ZSWIM9: variants seen among roughly 807,000 people sequenced by gnomAD.
ZSWIM9 encodes the protein uncharacterized protein ZSWIM9.
In ZSWIM9, 11 loss-of-function variants were observed where a neutral mutation model predicts 25.0. That is an observed-to-expected ratio of 0.44 (90% CI 0.28 to 0.73). ZSWIM9 has a LOEUF of 0.73. Ranked by LOEUF, ZSWIM9 falls within the 30% of genes least tolerant of loss-of-function variation. The pLI is 0.16. For synonymous variants in ZSWIM9, 562 were observed against 582.1 expected, an observed-to-expected ratio of 0.97 and a Z score of 0.50; for missense variants, 1,070 against 1,296.5, an observed-to-expected ratio of 0.83 and a Z score of 2.68.
Position 48,196,270 on chromosome 19 carries a change from G to A in ZSWIM9, c.2206G>A (p.Ala736Thr). 6.5e-6 allele frequency: 8 copies of A among 1,233,502 alleles called. No homozygotes were observed. The highest frequency in any genetic ancestry group is 8.1e-6 in the Non-Finnish European group (8 of 989,016). The allele number at this position is 1,233,502 out of a possible 1,614,324, so 76.4% of individuals were successfully genotyped here. A position where few individuals can be genotyped will look rare whatever the true frequency, so the allele number is the denominator to read the frequency against. ...CATGGAGAATGGAGATGGAGGGGGA[G>A]CCCGGTCCGTGGGCCCCAAGAGCCG... ...TGMENGDGGG[A>T]RSVGPKSRAG... Residue 736 changes from alanine (A) to threonine (T), a missense_variant, in exon 4 of 4, where the codon GCC (alanine) becomes ACC (threonine). By Grantham distance (58) the Ala-to-Thr change is moderately conservative. This residue lies in a region of ZSWIM9 where 583 missense variants were observed against 624.7 expected (regional missense o/e 0.93). Transcript: ENST00000614654.
chr19:48,172,319 C>CTTTT (rs750603853), intron 2 of ZSWIM9, among the ~76,000 whole-genome samples: 4 of 143,072 alleles, frequency 2.8e-5, no homozygotes, highest in Non-Finnish European at 6.2e-5. Flanking sequence ...GACTTACAGA[C>CTTTT]TTTTTTTTTT....
rs772914578 is a variant in ZSWIM9, at chr19:48,195,497, G to A, written c.1433G>A (p.Gly478Glu). The change falls in exon 4 of 4, where the codon GGA becomes GAA. Residue 478 changes from glycine (G) to glutamate (E), a missense_variant. Coordinates refer to ENST00000614654, the MANE Select transcript of ZSWIM9 (RefSeq NM_199341.4). The surrounding 1 kb of genome is among the most constrained non-coding windows in gnomAD (Gnocchi z 5.8). ...RVRGLETGDW[G>E]GAPKEGSIWR... ...AGGGGCCTGGAGACAGGCGACTGGG[G>A]AGGGGCTCCGAAAGAAGGAAGTATT... 1.4e-6 allele frequency: 2 copies of A among 1,414,174 alleles called. No homozygotes were observed. Among genetic ancestry groups the A allele is most frequent in the African/African-American group, 3.0e-5 (2 of 66,502 alleles). The allele number at this position is 1,414,174 out of a possible 1,614,324, so 87.6% of individuals were successfully genotyped here.
chr19:48,195,266 A>T lies in ZSWIM9; in HGVS notation c.1202A>T (p.Asp401Val), dbSNP rs1451520816. The T allele has an allele frequency of 6.5e-7, 1 of 1,530,004 alleles. No individual in the cohort carries two copies. 94.8% of individuals were successfully genotyped at this position (1,530,004 alleles called of 1,614,324 possible). ...GCCTTCGAGGCGGCCAGAGACCTGG[A>T]CGCGTGTGCCCTGGTGCGAGGCCAC... is the stretch of plus-strand genomic sequence containing the variant. ...FRAFEAARDL[D>V]ACALVRGHRR... The change falls in exon 4 of 4, where the codon GAC becomes GTC. Residue 401 changes from aspartate (D) to valine (V), a missense_variant. Transcript: ENST00000614654. This position sits in a 1 kb window ranked among gnomAD's most constrained non-coding sequence, Gnocchi z 5.8.
At chr19:48,187,125 G>C (rs1371564882) in intron 3 of ZSWIM9, among the ~76,000 whole-genome samples, 1 of 150,754 alleles carries the variant, frequency 6.6e-6, no homozygotes. Context: ...GTTTTTAGGG[G>C]TGGGGTGGGA....
At position 48,194,541 on chromosome 19, in the gene ZSWIM9, A is replaced by T; in HGVS notation, c.589-112A>T. On this transcript the variant is annotated intron_variant, in intron 3 of 3. Coordinates refer to ENST00000614654, the MANE Select transcript of ZSWIM9 (RefSeq NM_199341.4). The surrounding 1 kb of genome is among the most constrained non-coding windows in gnomAD (Gnocchi z 6.0). ...AAGAATAAATGCATATGCAGGCAAG[A>T]ATGAATGGGTGGTCCCATTTCCGTA... is the stretch of plus-strand genomic sequence containing the variant. 9.0e-7 allele frequency: 1 copy of T among 1,115,972 alleles called. No individual in the cohort carries two copies. Among genetic ancestry groups the T allele is most frequent in the Non-Finnish European group, 1.2e-6 (1 of 856,332 alleles). 69.1% of individuals were successfully genotyped at this position (1,115,972 alleles called of 1,614,324 possible). A position where few individuals can be genotyped will look rare whatever the true frequency, so the allele number is the denominator to read the frequency against.
In ZSWIM9 at chr19:48,195,579, G is replaced by A; in HGVS notation, c.1515G>A (p.Trp505Ter). 7.1e-7 allele frequency: 1 copy of A among 1,417,090 alleles called. No individual in the cohort carries two copies. Among genetic ancestry groups the A allele is most frequent in the East Asian group, 2.7e-5 (1 of 36,860 alleles). 87.8% of individuals were successfully genotyped at this position (1,417,090 alleles called of 1,614,324 possible). A position where few individuals can be genotyped will look rare whatever the true frequency, so the allele number is the denominator to read the frequency against. ...CAAGGGCACTGGAAACCAGAGACTGGGGCGGGGCTCAGTTCGAAGGTGAGA... is the reference window on the plus strand; with the variant it reads ...CAAGGGCACTGGAAACCAGAGACTGAGGCGGGGCTCAGTTCGAAGGTGAGA... ...EWARALETRD[W>*]GGAQFEGEKG... Residue 505 changes from tryptophan (W) to a stop codon, truncating the protein, a stop_gained, in exon 4 of 4, where the codon TGG (tryptophan) becomes TGA (stop). Coordinates refer to ENST00000614654, the MANE Select transcript of ZSWIM9 (RefSeq NM_199341.4). LOFTEE classifies it low-confidence loss of function (END_TRUNC). The surrounding 1 kb of genome is among the most constrained non-coding windows in gnomAD (Gnocchi z 5.8).
chr19:48,191,796 C>G (rs1166392907), intron 3 of ZSWIM9: 1 of 152,846 alleles, frequency 6.5e-6, no homozygotes, highest in Admixed American at 6.5e-5. Context: ...AAATGCACTG[C>G]TGTCCACTGT....
At chr19:48,187,985 T>C (rs80249360) in intron 3 of ZSWIM9, among the ~76,000 whole-genome samples, 2,935 of 146,218 alleles carry the variant, frequency 0.02, 92 homozygotes, top group African/African-American at 0.063. Context: ...GATAGATAGA[T>C]AGACAGACAG....
At position 48,196,660 on chromosome 19, in the gene ZSWIM9, A is replaced by G; in HGVS notation, c.2596A>G (p.Thr866Ala). ...TGAGFALKDG[T>A]SDFFLDGALT... ...AGCTGGCTTTGCCCTTAAGGACGGC[A>G]CCTCGGACTTCTTCCTGGATGGGGC... The change falls in exon 4 of 4, where the codon ACC (threonine) becomes GCC (alanine). Residue 866 changes from threonine to alanine, a missense_variant. Thr to Ala is a moderately conservative substitution (Grantham distance 58, BLOSUM62 0). Around this residue, in one of 4 missense-constraint regions of ZSWIM9, gnomAD observed 583 missense variants for 624.7 expected, o/e 0.93. Coordinates refer to ENST00000614654, the MANE Select transcript of ZSWIM9 (RefSeq NM_199341.4). 5 of 1,232,624 alleles carry G rather than the reference A, an allele frequency of 4.1e-6. No individual in the cohort carries two copies. The highest frequency in any genetic ancestry group is 3.1e-4 in the Middle Eastern group (1 of 3,212). The allele number at this position is 1,232,624 out of a possible 1,614,324, so 76.4% of individuals were successfully genotyped here.
chr19:48,196,350 G>A lies in ZSWIM9; in HGVS notation c.2286G>A (p.Gly762=). Residue 762 remains glycine, a synonymous_variant, in exon 4 of 4, where the codon GGG becomes GGA. Transcript: ENST00000614654. ...GDAGGRCLGL[G]NGVVSGTPVG... Reference sequence around the variant, plus strand: ...CAGGAGGGCGGTGTCTAGGGCTGGGGAATGGAGTCGTGTCTGGCACCCCGG... The same window carrying A: ...CAGGAGGGCGGTGTCTAGGGCTGGGAAATGGAGTCGTGTCTGGCACCCCGG... 1.6e-6 allele frequency: 2 copies of A among 1,232,790 alleles called. No homozygotes were observed. The highest frequency in any genetic ancestry group is 2.0e-6 in the Non-Finnish European group (2 of 988,458). 76.4% of individuals were successfully genotyped at this position (1,232,790 alleles called of 1,614,324 possible). A position where few individuals can be genotyped will look rare whatever the true frequency, so the allele number is the denominator to read the frequency against.
chr19:48,179,140 A>AT (rs1000025107), intron 2 of ZSWIM9, among the ~76,000 whole-genome samples: 18 of 151,304 alleles, frequency 1.2e-4, no homozygotes, highest in Non-Finnish European at 1.8e-4. Context: ...ATACACTCTG[A>AT]TTTTTTTTTC....
At chr19:48,187,397 ATAT>A in intron 3 of ZSWIM9, among the ~76,000 whole-genome samples, 1 of 104,858 alleles carries the variant, frequency 9.5e-6, no homozygotes, top group Non-Finnish European at 1.8e-5. Flanking sequence ...TTAATATATT[ATAT>A]TAATTATATA....
intron 2 of ZSWIM9, chr19:48,180,649 T>A (rs1041310919): frequency 1.3e-5 from 2 of 152,232 alleles, no homozygotes; most frequent in Non-Finnish European, 2.9e-5. Context: ...GAAGGCAGCA[T>A]ATGCACAGTT....
chr19:48,187,398 TATTA>T (rs1429156804), intron 3 of ZSWIM9, among the ~76,000 whole-genome samples: 2 of 105,022 alleles, frequency 1.9e-5, no homozygotes, highest in African/African-American at 7.0e-5. Flanking sequence ...TAATATATTA[TATTA>T]ATTATATATT....
At chr19:48,187,442 A>T (rs2037029641) in intron 3 of ZSWIM9, among the ~76,000 whole-genome samples, 1 of 102,680 alleles carries the variant, frequency 9.7e-6, no homozygotes, top group African/African-American at 3.9e-5. Context: ...TATTATATAT[A>T]TTATATATTA....
In ZSWIM9 at chr19:48,182,738, G is replaced by T. The variant is rs1411249484; in HGVS notation, c.559G>T (p.Gly187Cys). 1 of 1,534,360 alleles carries T rather than the reference G, an allele frequency of 6.5e-7. No homozygotes were observed. Among genetic ancestry groups the T allele is most frequent in the Non-Finnish European group, 8.7e-7 (1 of 1,145,706 alleles). The change falls in exon 3 of 4, where the codon GGC (glycine) becomes TGC (cysteine). Residue 187 changes from glycine (G) to cysteine (C), a missense_variant. Coordinates refer to ENST00000614654, the MANE Select transcript of ZSWIM9 (RefSeq NM_199341.4). The surrounding 1 kb of genome is among the most constrained non-coding windows in gnomAD (Gnocchi z 4.6). ...GVLDALHVLEGLFRTDPEAKV... is the reference protein window; with the variant it reads ...GVLDALHVLECLFRTDPEAKV... ...CCTGGACGCCCTGCACGTGCTCGAG[G>T]GCCTCTTCCGCACCGACCCCGAGGC...
chr19:48,192,466 A>AGT (rs1480286362), intron 3 of ZSWIM9, among the ~76,000 whole-genome samples: 24 of 22,782 alleles, frequency 1.1e-3, no homozygotes, highest in African/African-American at 2.7e-3. Context: ...AAAAAAAAAA[A>AGT]AAAAAAAAAA....
intron 1 of ZSWIM9, chr19:48,171,330 C>T (rs759011308): frequency 7.2e-5 from 71 of 985,240 alleles, no homozygotes; most frequent in Admixed American, 1.2e-4. Context: ...GGAGGGGTTA[C>T]AGCCAACTGT....
At chr19:48,188,308 C>T (rs2037055038) in intron 3 of ZSWIM9, among the ~76,000 whole-genome samples, 1 of 151,956 alleles carries the variant, frequency 6.6e-6, no homozygotes, top group South Asian at 2.1e-4. Flanking sequence ...GCACGACCTC[C>T]ATCTCCCAGG....
Sources: allele counts gnomAD v4.1 joint callset (sites outside exome capture counted in the v4.1 genomes callset), GRCh38; gene constraint gnomAD v4.1.1; regional missense constraint gnomAD v4.1.1; non-coding constraint Gnocchi (gnomAD v3.1); transcripts MANE v1.5; gene names NCBI Gene and HGNC (gene_info 2026-07-23, HGNC 2026-07-21).